SIGLEC11: variants seen among roughly 807,000 people sequenced by gnomAD.
SIGLEC11 encodes the protein sialic acid binding Ig like lectin 11.
SIGLEC11 carries 47 observed loss-of-function variants against 61.2 expected under a neutral mutation model. That is an observed-to-expected ratio of 0.77 (90% confidence interval 0.61 to 0.98). SIGLEC11 has a LOEUF of 0.98. Among genes scored for constraint, SIGLEC11 ranks in the 50% least tolerant of loss-of-function variants. The pLI, the probability that SIGLEC11 is intolerant of heterozygous loss-of-function variation, is 0.00. For synonymous variants in SIGLEC11, 278 were observed against 373.1 expected (o/e 0.75, Z 2.94); for missense variants, 610 against 870.3 (o/e 0.70, Z 3.76).
chr19:49,957,481 A>G (rs796843539), intron 8 of SIGLEC11, among the ~76,000 whole-genome samples: 1 of 152,142 alleles, frequency 6.6e-6, no homozygotes, highest in Non-Finnish European at 1.5e-5. Flanking sequence ...GCCAAGGCCA[A>G]AGGAATGGGC....
Position 49,959,425 on chromosome 19 carries a change from C to T in SIGLEC11, c.992G>A (p.Arg331His), listed in dbSNP as rs150164114. The T allele has an allele frequency of 1.9e-5, 31 of 1,596,970 alleles. 1 individual carries two copies. The highest frequency in any genetic ancestry group is 6.7e-5 in the Admixed American group (4 of 59,298). The change falls in exon 5 of 11, where the codon CGC (arginine) becomes CAC (histidine). Residue 331 changes from arginine (R) to histidine (H), a missense_variant. Around this residue, in one of 6 missense-constraint regions of SIGLEC11, gnomAD observed 28 missense variants for 66.9 expected, o/e 0.42. Coordinates refer to ENST00000447370, the MANE Select transcript of SIGLEC11 (RefSeq NM_052884.3). ...LRGVRAGDSG[R>H]YTCRAENRLG... Reference sequence around the variant, plus strand: ...CCTGTTCTCCGCTCGGCAGGTGTAGCGCCCTGAATCCCCGGCCCTTACCCC... The same window carrying T: ...CCTGTTCTCCGCTCGGCAGGTGTAGTGCCCTGAATCCCCGGCCCTTACCCC...
At chr19:49,953,151 C>G (rs1302671198) in intron 8 of SIGLEC11, among the ~76,000 whole-genome samples, 1 of 152,234 alleles carries the variant, frequency 6.6e-6, no homozygotes, top group Non-Finnish European at 1.5e-5. Flanking sequence ...CCAGGTGCCA[C>G]TGGGTGAACT....
At position 49,949,690 on chromosome 19, in the gene SIGLEC11, C is replaced by T; in HGVS notation, c.*280G>A. 4.0e-6 allele frequency: 1 copy of T among 248,156 alleles called. No individual in the cohort carries two copies. The allele number at this position is 248,156 out of a possible 1,614,324, so 15.4% of individuals were successfully genotyped here. On this transcript the variant is annotated 3_prime_UTR_variant, in exon 11 of 11. Transcript: ENST00000447370. ...AACCCTGTCTCTACTAAAAATATAA[C>T]AATGAGCCTGGCATGGTGGCTCACA...
At position 49,955,540 on chromosome 19, in the gene SIGLEC11, A is replaced by C. The variant is rs984557502; in HGVS notation, c.1651+2743T>G. ...GGGGCCCACGCCGTAGCCCAGTCCC[A>C]CTGGCCAGCTGTAGGAGCAGGATAA... On this transcript the variant is annotated intron_variant, in intron 8 of 10. Coordinates refer to ENST00000447370, the MANE Select transcript of SIGLEC11 (RefSeq NM_052884.3). The surrounding 1 kb of genome is among the most constrained non-coding windows in gnomAD (Gnocchi z 4.5). Among the ~76,000 whole-genome samples, 2 of 152,226 alleles carry C rather than the reference A, an allele frequency of 1.3e-5. No homozygotes were observed. The highest frequency in any genetic ancestry group is 4.8e-5 in the African/African-American group (2 of 41,456).
chr19:49,952,187 G>T (rs2076162837), intron 9 of SIGLEC11, 111 bp downstream of exon 9: 1 of 1,203,932 alleles, frequency 8.3e-7, no homozygotes, highest in Non-Finnish European at 1.2e-6. Context: ...CTTGCCCAAG[G>T]CCTAGTTCTC....
intron 8 of SIGLEC11, among the ~76,000 whole-genome samples, chr19:49,954,518 C>G (rs1434682343): frequency 6.6e-6 from 1 of 152,152 alleles, no homozygotes; most frequent in African/African-American, 2.4e-5. Context: ...TTGTAATAAC[C>G]AAGGCCAGGT....
intron 8 of SIGLEC11, 26 bp from the exon 9 acceptor site, chr19:49,952,420 G>T: frequency 1.3e-6 from 2 of 1,581,442 alleles, no homozygotes; most frequent in South Asian, 2.2e-5. Flanking sequence ...GTTTGGGGTG[G>T]TGCCCTCCTG....
At chr19:49,956,870 T>A (rs2076200147) in intron 8 of SIGLEC11, among the ~76,000 whole-genome samples, 1 of 149,364 alleles carries the variant, frequency 6.7e-6, no homozygotes, top group African/African-American at 2.5e-5. Context: ...AGCTTTGGAC[T>A]ACTCCTAGCC....
Position 49,950,216 on chromosome 19 carries a change from C to G in SIGLEC11, c.1851G>C (p.Ser617=), listed in dbSNP as rs145537270. Residue 617 remains serine (S), a synonymous_variant, in exon 11 of 11, where the codon TCG becomes TCC. Transcript: ENST00000447370. ...GCGGGTGGTCTTGGGAGCTGCCTGC[C>G]GAGCATTCATGCTGGTGACCCTGAA... ...PISQGHQHEC[S]AGSSQDHPPP... 56 of 1,591,172 alleles carry G rather than the reference C, an allele frequency of 3.5e-5. No individual in the cohort carries two copies. The African/African-American group carries it at 7.1e-4, about 20-fold the overall frequency.
At position 49,949,702 on chromosome 19, in the gene SIGLEC11, C is replaced by T. The variant is rs1451702708; in HGVS notation, c.*268G>A. ...ACTAAAAATATAACAATGAGCCTGG[C>T]ATGGTGGCTCACAATTGTAGTCCCA... On this transcript the variant is annotated 3_prime_UTR_variant, in exon 11 of 11. Transcript: ENST00000447370. 1.4e-5 allele frequency: 4 copies of T among 278,726 alleles called. No homozygotes were observed. The highest frequency in any genetic ancestry group is 6.5e-5 in the African/African-American group (3 of 45,836). 17.3% of individuals were successfully genotyped at this position (278,726 alleles called of 1,614,324 possible).
intron 8 of SIGLEC11, among the ~76,000 whole-genome samples, chr19:49,953,812 AG>A (rs1396236681): frequency 6.6e-6 from 1 of 152,204 alleles, no homozygotes; most frequent in East Asian, 1.9e-4. Context: ...TGGGCCGTAA[AG>A]GAAGGAATAG....
rs1371619733 is a variant in SIGLEC11 at position 49,958,368 on chromosome 19, T to C, written c.1566A>G (p.Gly522=). ...GGAGCCTGAGGCCGGAGCTGAGCCC[T>C]CCATGGAGGCTCAGGGAGCTGTTGG... ...PWANSSLSLH[G]GLSSGLRLRC... Residue 522 remains glycine (G), a synonymous_variant, in exon 8 of 11, where the codon GGA becomes GGG. Coordinates refer to ENST00000447370, the MANE Select transcript of SIGLEC11 (RefSeq NM_052884.3). 1.9e-6 allele frequency: 3 copies of C among 1,614,146 alleles called. No individual in the cohort carries two copies. Among genetic ancestry groups the C allele is most frequent in the Non-Finnish European group, 2.5e-6 (3 of 1,180,014 alleles).
intron 8 of SIGLEC11, among the ~76,000 whole-genome samples, chr19:49,954,071 T>C (rs2076178401): frequency 1.3e-5 from 2 of 152,154 alleles, no homozygotes; most frequent in Non-Finnish European, 2.9e-5. Flanking sequence ...TTTCCTTATA[T>C]TGATTCATGG....
intron 8 of SIGLEC11, among the ~76,000 whole-genome samples, chr19:49,954,339 C>G (rs1224909083): frequency 6.6e-6 from 1 of 152,178 alleles, no homozygotes; most frequent in Admixed American, 6.5e-5. Flanking sequence ...AATTCAGGAG[C>G]TAGCATGCCC....
intron 8 of SIGLEC11, among the ~76,000 whole-genome samples, chr19:49,953,361 C>T (rs1004039960): frequency 4.6e-5 from 7 of 152,074 alleles, no homozygotes; most frequent in Non-Finnish European, 8.8e-5. Context: ...CCTAACAGTC[C>T]GACCCAGAGG....
At chr19:49,952,454 C>T (rs1042377734) in intron 8 of SIGLEC11, 60 bp from the exon 9 acceptor site, 68 of 1,288,386 alleles carry the variant, frequency 5.3e-5, no homozygotes, top group Non-Finnish European at 7.1e-5. Context: ...CCTGCCCCTT[C>T]CTCCCACAGA....
Position 49,955,476 on chromosome 19 carries a change from A to G in SIGLEC11, c.1651+2807T>C, listed in dbSNP as rs1211147924. Among the ~76,000 whole-genome samples the G allele has an allele frequency of 6.6e-6, 1 of 152,238 alleles. No homozygotes were observed. The highest frequency in any genetic ancestry group is 2.4e-5 in the African/African-American group (1 of 41,464). On this transcript the variant is annotated intron_variant, in intron 8 of 10. Transcript: ENST00000447370. The surrounding 1 kb of genome is among the most constrained non-coding windows in gnomAD (Gnocchi z 4.5). ...AGGAAAAAAGAAAAATCAGAAAGAA[A>G]CAGTAAAGATAGATGGCAGTGCGTG...
At position 49,951,953 on chromosome 19, in the gene SIGLEC11, C is replaced by T. The variant is rs1014278498; in HGVS notation, c.1768G>A (p.Glu590Lys). 1 of 1,611,106 alleles carries T rather than the reference C, an allele frequency of 6.2e-7. No homozygotes were observed. The highest frequency in any genetic ancestry group is 8.5e-7 in the Non-Finnish European group (1 of 1,179,034). The change falls in exon 10 of 11, where the codon GAA (glutamate) becomes AAA (lysine). Residue 590 changes from glutamate to lysine, a missense_variant. Physicochemically the swap from Glu to Lys is moderately conservative, Grantham distance 56. Around this residue, in one of 6 missense-constraint regions of SIGLEC11, gnomAD observed 432 missense variants for 441.5 expected, o/e 0.98. Coordinates refer to ENST00000447370, the MANE Select transcript of SIGLEC11 (RefSeq NM_052884.3). The surrounding 1 kb of genome is among the most constrained non-coding windows in gnomAD (Gnocchi z 4.6). ...TCAGCTGCTGCCCTCTTGCGAGCTT[C>T]CTTCCTGCAGATCTTCACCCTGAGG... ...VVFRVKICRKEARKRAAAEQD... is the reference protein window; with the variant it reads ...VVFRVKICRKKARKRAAAEQD...
chr19:49,950,284 G>A (rs776907019), intron 10 of SIGLEC11, 48 bp from the exon 11 acceptor site: 1 of 1,443,912 alleles, frequency 6.9e-7, no homozygotes, highest in Non-Finnish European at 9.1e-7. Context: ...TGGGGGCTAA[G>A]CGAGAGCAAG....
Sources: allele counts gnomAD v4.1 joint callset (sites outside exome capture counted in the v4.1 genomes callset), GRCh38; gene constraint gnomAD v4.1.1; regional missense constraint gnomAD v4.1.1; non-coding constraint Gnocchi (gnomAD v3.1); transcripts MANE v1.5; gene names NCBI Gene and HGNC (gene_info 2026-07-23, HGNC 2026-07-21).